TF: variants seen among roughly 807,000 people sequenced by gnomAD.
The protein encoded by TF is serotransferrin.
TF carries 55 observed loss-of-function variants against 82.4 expected under a neutral mutation model. The observed-to-expected ratio is 0.67, with a 90% CI of 0.54 to 0.84. The LOEUF (loss-of-function observed/expected upper bound fraction) is 0.84, where lower values mean the gene tolerates loss of function less well. Ranked by LOEUF, TF falls within the 40% of genes least tolerant of loss-of-function variation. The probability of loss-of-function intolerance (pLI) is 0.00; values close to 1 mark genes in which losing one functional copy is unlikely to be tolerated. For missense variants in TF, 737 were observed against 868.4 expected, an observed-to-expected ratio of 0.85 and a Z score of 1.90; for synonymous variants, 332 against 332.6, an observed-to-expected ratio of 1.00 and a Z score of 0.02.
At chr3:133,736,790 C>G in the TF span, among the ~76,000 whole-genome samples, 55,088 of 151,444 alleles carry the variant, frequency 0.36, 10,296 homozygotes, top group South Asian at 0.5. Flanking sequence ...ATATATGCAC[C>G]CAATACAGGA....
chr3:133,765,355 G>T (rs8177328), intron 11 of TF, among the ~76,000 whole-genome samples: 1 of 152,282 alleles, frequency 6.6e-6, no homozygotes, highest in East Asian at 1.9e-4. Context: ...AGATATCAAG[G>T]AACATAAAAT....
chr3:133,770,534 C>G lies in TF; in HGVS notation c.1649C>G (p.Ala550Gly), dbSNP rs1229761056. 3 of 1,614,014 alleles carry G rather than the reference C, an allele frequency of 1.9e-6. No homozygotes were observed. Among genetic ancestry groups the G allele is most frequent in the Non-Finnish European group, 2.5e-6 (3 of 1,180,002 alleles). Residue 550 changes from alanine (A) to glycine (G), a missense_variant, in exon 14 of 17, where the codon GCC becomes GGC. Transcript: ENST00000402696. ...FRCLVEKGDV[A>G]FVKHQTVPQN... ...TGTCTGGTTGAGAAGGGAGATGTGG[C>G]CTTTGTGAAACACCAGACTGTCCCA... is the stretch of plus-strand genomic sequence containing the variant.
At chr3:133,699,063 G>A in the TF span, among the ~76,000 whole-genome samples, 1 of 152,250 alleles carries the variant, frequency 6.6e-6, no homozygotes, top group African/African-American at 2.4e-5. Flanking sequence ...TCTGTAGAAT[G>A]AGATAATCAT....
chr3:133,663,254 C>T, the TF span, among the ~76,000 whole-genome samples: 1 of 152,078 alleles, frequency 6.6e-6, no homozygotes, highest in South Asian at 2.1e-4. Context: ...AGCCCACTCT[C>T]TCTCTCCTAA....
rs917959137 is a variant in TF, at chr3:133,793,050, A to AT, written c.*14432dup. On this transcript the variant is annotated 3_prime_UTR_variant, in exon 17 of 17. Coordinates refer to ENST00000402696, the MANE Select transcript of TF (RefSeq NM_001063.4). ...GGTTTTCTTAAAAATTGGGGTTGAC[A>AT]TTAATAGCACACTAATGCAAGGGTG... 1.1e-4 allele frequency: 16 copies of AT among 152,212 alleles called. No homozygotes were observed. Among genetic ancestry groups the AT allele is most frequent in the Non-Finnish European group, 2.9e-5 (2 of 68,026 alleles). 9.4% of individuals were successfully genotyped at this position (152,212 alleles called of 1,614,324 possible).
chr3:133,751,282 G>T (rs1255039011), intron 2 of TF, among the ~76,000 whole-genome samples: 1 of 145,394 alleles, frequency 6.9e-6, no homozygotes, highest in African/African-American at 2.6e-5. Context: ...GCCCAGGCTG[G>T]AGTGCAGTGG....
chr3:133,746,513 A>T lies in TF; in HGVS notation c.43+30A>T, dbSNP rs551471875. On this transcript the variant is annotated intron_variant, in intron 1 of 16. Transcript: ENST00000402696. Reference sequence around the variant, plus strand: ...GTGCGGGCACGGGGTAGCACCGCAGAGTCGCTGGCCCGCGCGTTCCCTGCA... The same window carrying T: ...GTGCGGGCACGGGGTAGCACCGCAGTGTCGCTGGCCCGCGCGTTCCCTGCA... The T allele has an allele frequency of 2.5e-6, 4 of 1,584,292 alleles. No individual in the cohort carries two copies. In the African/African-American group the frequency reaches 5.4e-5, roughly 21 times the overall value.
the TF span, among the ~76,000 whole-genome samples, chr3:133,678,577 G>A: frequency 9.2e-5 from 14 of 152,104 alleles, no homozygotes; most frequent in Non-Finnish European, 1.3e-4. Flanking sequence ...GTGGTATCTC[G>A]TTGTGGTTTT....
At chr3:133,664,589 G>A in the TF span, among the ~76,000 whole-genome samples, 1 of 151,966 alleles carries the variant, frequency 6.6e-6, no homozygotes, top group African/African-American at 2.4e-5. Context: ...CAAAGTGCTG[G>A]GATTACAGGC....
chr3:133,726,972 G>C, the TF span, among the ~76,000 whole-genome samples: 1 of 152,110 alleles, frequency 6.6e-6, no homozygotes, highest in Non-Finnish European at 1.5e-5. Flanking sequence ...GCGGTTTTGA[G>C]TGATTTTCTT....
At chr3:133,695,067 A>G in the TF span, among the ~76,000 whole-genome samples, 1 of 151,758 alleles carries the variant, frequency 6.6e-6, no homozygotes, top group Admixed American at 6.6e-5. Context: ...CAAAGCCGTC[A>G]CCTCTGTGAG....
At chr3:133,750,323 G>A (rs1352499314) in intron 2 of TF, among the ~76,000 whole-genome samples, 1 of 152,144 alleles carries the variant, frequency 6.6e-6, no homozygotes, top group African/African-American at 2.4e-5. Flanking sequence ...TTAGTGCAGA[G>A]GTTTGGACAG....
At chr3:133,747,484 G>A (rs1933535305) in intron 1 of TF, among the ~76,000 whole-genome samples, 1 of 152,232 alleles carries the variant, frequency 6.6e-6, no homozygotes, top group African/African-American at 2.4e-5. Context: ...CACAGGCTTT[G>A]TGGATCTTCT....
intron 2 of TF, 66 bp from the exon 3 acceptor site, chr3:133,753,529 T>G: frequency 7.2e-7 from 1 of 1,398,602 alleles, no homozygotes; most frequent in Non-Finnish European, 1.0e-6. Flanking sequence ...TCTCTACTTG[T>G]GTGGGTTGAG....
chr3:133,738,950 T>C, the TF span, among the ~76,000 whole-genome samples: 1 of 152,178 alleles, frequency 6.6e-6, no homozygotes, highest in African/African-American at 2.4e-5. Flanking sequence ...CTTCACAGAA[T>C]TGGAAAAAAC....
At chr3:133,718,115 T>C in the TF span, among the ~76,000 whole-genome samples, 4 of 151,790 alleles carry the variant, frequency 2.6e-5, no homozygotes, top group Admixed American at 6.6e-5. Context: ...GGGGTGCTGA[T>C]GGTGAGTGAG....
At chr3:133,710,456 C>A in the TF span, among the ~76,000 whole-genome samples, 1 of 152,218 alleles carries the variant, frequency 6.6e-6, no homozygotes, top group Admixed American at 6.5e-5. Flanking sequence ...GCCACATTTC[C>A]CGGTGATTCT....
intron 12 of TF, among the ~76,000 whole-genome samples, chr3:133,767,680 A>G (rs1934159725): frequency 6.6e-6 from 1 of 152,224 alleles, no homozygotes; most frequent in South Asian, 2.1e-4. Context: ...GGGACATCTG[A>G]AAACAGGTGG....
chr3:133,736,648 A>AAAAAAAAG, the TF span, among the ~76,000 whole-genome samples: 1 of 150,168 alleles, frequency 6.7e-6, no homozygotes, highest in Admixed American at 6.6e-5. Flanking sequence ...AAAAAAAAAA[A>AAAAAAAAG]AAAGCAGGGG....
Sources: allele counts gnomAD v4.1 joint callset (sites outside exome capture counted in the v4.1 genomes callset), GRCh38; gene constraint gnomAD v4.1.1; transcripts MANE v1.5; gene names NCBI Gene and HGNC (gene_info 2026-07-23, HGNC 2026-07-21).